TSNARE1: variants seen among roughly 807,000 people sequenced by gnomAD.
TSNARE1 encodes t-SNARE domain containing 1.
TSNARE1 carries 49 observed loss-of-function variants against 62.0 expected under a neutral mutation model. That is an observed-to-expected ratio of 0.79 (90% confidence interval 0.63 to 1.00). TSNARE1 has a LOEUF of 1.00. Ranked by LOEUF, TSNARE1 falls within the 50% of genes least tolerant of loss-of-function variation. The pLI is 0.00. For missense variants in TSNARE1, 755 were observed against 700.1 expected (o/e 1.08, Z -0.88); for synonymous variants, 328 against 294.4 (o/e 1.11, Z -1.17).
At chr8:142,234,300 G>C (rs1817283395) in intron 12 of TSNARE1, among the ~76,000 whole-genome samples, 1 of 148,296 alleles carries the variant, frequency 6.7e-6, no homozygotes. Context: ...CCCAACCACA[G>C]GTTCAGGGAA....
At chr8:142,383,261 G>A (rs560460915) in intron 1 of TSNARE1, among the ~76,000 whole-genome samples, 1 of 152,372 alleles carries the variant, frequency 6.6e-6, no homozygotes, top group East Asian at 1.9e-4. Flanking sequence ...GCAGCTGAGA[G>A]AGAGCTGGAG....
At chr8:142,392,206 T>C (rs1450400587) in intron 1 of TSNARE1, among the ~76,000 whole-genome samples, 1 of 152,066 alleles carries the variant, frequency 6.6e-6, no homozygotes, top group Admixed American at 6.5e-5. Flanking sequence ...GCATTTGTAG[T>C]ACACAGGGTT....
At chr8:142,306,942 G>A (rs575035481) in intron 9 of TSNARE1, among the ~76,000 whole-genome samples, 2 of 152,270 alleles carry the variant, frequency 1.3e-5, no homozygotes, top group African/African-American at 4.8e-5. Flanking sequence ...GGACCCCCGG[G>A]GCCTCCCTCC....
intron 12 of TSNARE1, among the ~76,000 whole-genome samples, chr8:142,245,823 G>C (rs1289119680): frequency 1.3e-5 from 2 of 152,076 alleles, no homozygotes; most frequent in Admixed American, 6.5e-5. Flanking sequence ...GTTAGGAGGT[G>C]GTTCATAGAC....
At chr8:142,312,045 CTTG>C (rs1279189458) in intron 9 of TSNARE1, among the ~76,000 whole-genome samples, 1 of 152,166 alleles carries the variant, frequency 6.6e-6, no homozygotes, top group Non-Finnish European at 1.5e-5. Flanking sequence ...AGATTTTGAA[CTTG>C]TTTTCAGATT....
chr8:142,345,668 C>T lies in TSNARE1; in HGVS notation c.238+75G>A, dbSNP rs935282458. 4.8e-6 allele frequency: 7 copies of T among 1,446,336 alleles called. No homozygotes were observed. In the African/African-American group the frequency reaches 5.8e-5, roughly 12 times the overall value. The allele number at this position is 1,446,336 out of a possible 1,614,324, so 89.6% of individuals were successfully genotyped here. ...CCTCCCTGCAGCTCCCACCTGCTGACCCTGCCCTCCTCAGCACCTGCATCT... is the reference window on the plus strand; with the variant it reads ...CCTCCCTGCAGCTCCCACCTGCTGATCCTGCCCTCCTCAGCACCTGCATCT... On this transcript the variant is annotated intron_variant, in intron 3 of 13. Coordinates refer to ENST00000524325, the MANE Select transcript of TSNARE1 (RefSeq NM_145003.5).
chr8:142,300,763 G>GGACGATCTGGTTCTGAGGC, intron 9 of TSNARE1, 119 bp from the exon 10 acceptor site: 2 of 1,212,112 alleles, frequency 1.7e-6, no homozygotes, highest in South Asian at 1.6e-5. Context: ...CTCTCTGAGG[G>GGACGATCTGGTTCTGAGGC]GACGATCTGG....
At chr8:142,348,802 G>A (rs1466674832) in intron 2 of TSNARE1, among the ~76,000 whole-genome samples, 1 of 152,104 alleles carries the variant, frequency 6.6e-6, no homozygotes, top group Non-Finnish European at 1.5e-5. Context: ...GGAGCTCTGG[G>A]GAGCTTTCTT....
chr8:142,384,756 A>C (rs1281291677), intron 1 of TSNARE1, among the ~76,000 whole-genome samples: 1 of 152,264 alleles, frequency 6.6e-6, no homozygotes, highest in Non-Finnish European at 1.5e-5. Context: ...GAAAACATGC[A>C]TGATGTTGGA....
chr8:142,344,464 C>A lies in TSNARE1; in HGVS notation c.247G>T (p.Val83Phe). 1 of 1,549,930 alleles carries A rather than the reference C, an allele frequency of 6.5e-7. No homozygotes were observed. Among genetic ancestry groups the A allele is most frequent in the Non-Finnish European group, 8.7e-7 (1 of 1,152,804 alleles). Residue 83 changes from valine to phenylalanine, a missense_variant, in exon 4 of 14, where the codon GTT (valine) becomes TTT (phenylalanine). Physicochemically the swap from Val to Phe is conservative, Grantham distance 50. Coordinates refer to ENST00000524325, the MANE Select transcript of TSNARE1 (RefSeq NM_145003.5). ...GGCATCCGGCTGCCTTCAGGGGCAA[C>A]CCCAGGCCCTGGAAAGGCACCAAAA... ...VPRARKRGPG[V>F]APEGSRMPEP...
chr8:142,381,952 C>T (rs1225481105), intron 1 of TSNARE1, among the ~76,000 whole-genome samples: 1 of 152,168 alleles, frequency 6.6e-6, no homozygotes, highest in African/African-American at 2.4e-5. Context: ...GCTGCCCAGT[C>T]CTCCCCTCGG....
intron 13 of TSNARE1, among the ~76,000 whole-genome samples, chr8:142,226,852 C>T (rs2130025055): frequency 6.6e-6 from 1 of 152,240 alleles, no homozygotes; most frequent in Admixed American, 6.5e-5. Flanking sequence ...GGCCCTGCCC[C>T]ACCTCACCTG....
chr8:142,303,598 T>C (rs1826146827), intron 9 of TSNARE1, among the ~76,000 whole-genome samples: 1 of 152,206 alleles, frequency 6.6e-6, no homozygotes, highest in African/African-American at 2.4e-5. Flanking sequence ...CTGGAGCAGA[T>C]GGACAGGTGA....
intron 3 of TSNARE1, among the ~76,000 whole-genome samples, chr8:142,344,893 G>C (rs947875315): frequency 2.0e-5 from 3 of 152,218 alleles, no homozygotes; most frequent in Non-Finnish European, 4.4e-5. Flanking sequence ...CATTTTGGAA[G>C]GCTCCTGCCT....
chr8:142,401,492 G>T (rs1453929261), intron 1 of TSNARE1, among the ~76,000 whole-genome samples: 1 of 152,152 alleles, frequency 6.6e-6, no homozygotes, highest in Non-Finnish European at 1.5e-5. Context: ...CCAAACCCAG[G>T]ACCTCGCTCT....
At position 142,318,021 on chromosome 8, in the gene TSNARE1, C is replaced by T. The variant is rs147566913; in HGVS notation, c.984+523G>A. On this transcript the variant is annotated intron_variant, in intron 7 of 13. Coordinates refer to ENST00000524325, the MANE Select transcript of TSNARE1 (RefSeq NM_145003.5). ...GGGAACAGCCCTGGGGCAGCTGAGC[C>T]GGAACGGTAGTGATGGCTGTGGCAG... Among the ~76,000 whole-genome samples, 278 of 152,268 alleles carry T rather than the reference C, an allele frequency of 1.8e-3. 2 individuals are homozygous for T. Among genetic ancestry groups the T allele is most frequent in the African/African-American group, 6.2e-3 (258 of 41,550 alleles).
intron 12 of TSNARE1, among the ~76,000 whole-genome samples, chr8:142,265,809 C>G (rs573907435): frequency 6.6e-6 from 1 of 152,198 alleles, no homozygotes; most frequent in African/African-American, 2.4e-5. Flanking sequence ...TGTGTATTTC[C>G]CTCATGGCTA....
intron 6 of TSNARE1, 46 bp downstream of exon 6, chr8:142,330,855 T>C: frequency 1.2e-6 from 2 of 1,600,866 alleles, no homozygotes; most frequent in South Asian, 1.1e-5. Flanking sequence ...TGCCCCCCAA[T>C]GTGCACCACG....
At chr8:142,273,380 GTCACCTTCTGCCCA>G (rs1484075421) in intron 12 of TSNARE1, 7 of 985,370 alleles carry the variant, frequency 7.1e-6, no homozygotes, top group East Asian at 1.1e-4. Flanking sequence ...GTCACCAGGC[GTCACCTTCTGCCCA>G]TCACCTTCTG....
Sources: allele counts gnomAD v4.1 joint callset (sites outside exome capture counted in the v4.1 genomes callset), GRCh38; gene constraint gnomAD v4.1.1; transcripts MANE v1.5; gene names NCBI Gene and HGNC (gene_info 2026-07-23, HGNC 2026-07-21).